Variants in ISOC2 observed in about 807,000 individuals in gnomAD.
The protein encoded by ISOC2 is isochorismatase domain containing 2, also known as isochorismatase domain-containing protein 2.
A neutral mutation model predicts 19.3 loss-of-function variants in ISOC2; 15 were observed. The ratio of observed to expected loss-of-function variants is 0.78; its 90% confidence interval spans 0.52 to 1.20. The LOEUF is 1.20. Ranked by LOEUF, ISOC2 falls within the 50% of genes most tolerant of loss-of-function variation. ISOC2 has a pLI of 0.00. For synonymous variants in ISOC2, 106 were observed against 115.8 expected (o/e 0.92, Z 0.54); for missense variants, 285 against 272.4 (o/e 1.05, Z -0.33).
chr19:55,455,148 G>T, intron 4 of ISOC2, 42 bp from the exon 5 acceptor site: 1 of 1,584,168 alleles, frequency 6.3e-7, no homozygotes, highest in Non-Finnish European at 8.6e-7. Flanking sequence ...TGTGGACGCC[G>T]CAGTCTGGAC....
rs202049923 is a variant in ISOC2 at position 55,456,509 on chromosome 19, C to A, written c.-3-20G>T. 6.2e-7 allele frequency: 1 copy of A among 1,612,632 alleles called. No homozygotes were observed. The highest frequency in any genetic ancestry group is 1.1e-5 in the South Asian group (1 of 90,996). On this transcript the variant is annotated intron_variant, in intron 1 of 5. Transcript: ENST00000425675. ...CATTTTCTGGGGGTGGGCAGAGGGA[C>A]GGTGGGTCAGGCCCGAGGGCTCCTC...
At chr19:55,455,451 G>T in intron 3 of ISOC2, 121 bp from the exon 4 acceptor site, 1 of 1,389,016 alleles carries the variant, frequency 7.2e-7, no homozygotes, top group Non-Finnish European at 1.0e-6. Flanking sequence ...TCGGATCAGA[G>T]GAAGGGGCCC....
intron 3 of ISOC2, 28 bp from the exon 4 acceptor site, chr19:55,455,358 C>A (rs780102367): frequency 2.5e-6 from 4 of 1,613,908 alleles, no homozygotes; most frequent in Non-Finnish European, 3.4e-6. Flanking sequence ...TCAGGGCCAA[C>A]CCCGGATAAG....
In ISOC2 at chr19:55,455,115, G is replaced by T; in HGVS notation, c.420-9C>A. ...CCAGCCGGTCCACCTGGCTGTGAGT[G>T]GGAGGGAGGGAGGGAAGGTTGGTGT... On this transcript the variant is annotated splice_polypyrimidine_tract_variant and intron_variant, in intron 4 of 5. Coordinates refer to ENST00000425675, the MANE Select transcript of ISOC2 (RefSeq NM_001136201.2). 5 of 1,544,622 alleles carry T rather than the reference G, an allele frequency of 3.2e-6. No homozygotes were observed. The highest frequency in any genetic ancestry group is 4.4e-6 in the Non-Finnish European group (5 of 1,127,750).
At chr19:55,454,895 C>G (rs966340582) in intron 5 of ISOC2, 94 bp downstream of exon 5, 3 of 927,358 alleles carry the variant, frequency 3.2e-6, no homozygotes, top group African/African-American at 1.6e-5. Flanking sequence ...CCCCTGGAGG[C>G]GGCAGCCTGC....
rs759384357 is a variant in ISOC2, at chr19:55,455,086, G to A, written c.440C>T (p.Ala147Val). The A allele has an allele frequency of 7.1e-7, 1 of 1,415,816 alleles. No individual in the cohort carries two copies. Among genetic ancestry groups the A allele is most frequent in the Non-Finnish European group, 9.6e-7 (1 of 1,040,672 alleles). 87.7% of individuals were successfully genotyped at this position (1,415,816 alleles called of 1,614,324 possible). A position where few individuals can be genotyped will look rare whatever the true frequency, so the allele number is the denominator to read the frequency against. The change falls in exon 5 of 6, where the codon GCT becomes GTT. Residue 147 changes from alanine (A) to valine (V), a missense_variant. By Grantham distance (64) the Ala-to-Val change is moderately conservative (BLOSUM62 0). Transcript: ENST00000425675. The part of the protein sequence containing the change: ...SSRSQVDRLV[A>V]LARMRQSGAF... Reference sequence around the variant, plus strand: ...ACCACTCTGTCTCATGCGGGCCAGAGCCACCAGCCGGTCCACCTGGCTGTG... The same window carrying A: ...ACCACTCTGTCTCATGCGGGCCAGAACCACCAGCCGGTCCACCTGGCTGTG...
intron 1 of ISOC2, among the ~76,000 whole-genome samples, chr19:55,460,641 T>C (rs1986204906): frequency 6.6e-6 from 1 of 152,216 alleles, no homozygotes; most frequent in Non-Finnish European, 1.5e-5. Context: ...ATGTGGCGCA[T>C]GTTTGACTTT....
chr19:55,455,320 A>G lies in ISOC2; in HGVS notation c.359T>C (p.Leu120Pro), dbSNP rs1483813337. ...EAQACILNTTLDLLDRGLQVH... is the reference protein window; with the variant it reads ...EAQACILNTTPDLLDRGLQVH... ...CTGCAGCCCCCGGTCTAGGAGGTCC[A>G]GGGTCGTGTTCTGTGGGTAGAGAGA... is the stretch of plus-strand genomic sequence containing the variant. Residue 120 changes from leucine to proline, a missense_variant, in exon 4 of 6, where the codon CTG becomes CCG. Coordinates refer to ENST00000425675, the MANE Select transcript of ISOC2 (RefSeq NM_001136201.2). 6.2e-7 allele frequency: 1 copy of G among 1,614,112 alleles called. No homozygotes were observed. Among genetic ancestry groups the G allele is most frequent in the South Asian group, 1.1e-5 (1 of 91,076 alleles).
Position 55,455,118 on chromosome 19 carries a change from A to G in ISOC2, c.420-12T>C. ...GCCGGTCCACCTGGCTGTGAGTGGG[A>G]GGGAGGGAGGGAAGGTTGGTGTGGA... is the stretch of plus-strand genomic sequence containing the variant. On this transcript the variant is annotated splice_polypyrimidine_tract_variant and intron_variant, in intron 4 of 5. Coordinates refer to ENST00000425675, the MANE Select transcript of ISOC2 (RefSeq NM_001136201.2). 1.8e-6 allele frequency: 1 copy of G among 565,300 alleles called. No homozygotes were observed. Among genetic ancestry groups the G allele is most frequent in the Non-Finnish European group, 3.4e-6 (1 of 293,638 alleles). The allele number at this position is 565,300 out of a possible 1,614,324, so 35.0% of individuals were successfully genotyped here.
At chr19:55,456,859 C>T (rs972347849) in intron 1 of ISOC2, among the ~76,000 whole-genome samples, 18 of 152,084 alleles carry the variant, frequency 1.2e-4, no homozygotes, top group Admixed American at 2.0e-4. Flanking sequence ...CTATCAGTCC[C>T]GGTTACCATC....
At chr19:55,455,931 GGCCT>G in intron 2 of ISOC2, 86 bp from the exon 3 acceptor site, 1 of 1,239,180 alleles carries the variant, frequency 8.1e-7, no homozygotes. Flanking sequence ...GGAGGGGCTG[GGCCT>G]GGACTCCTGG....
Position 55,455,323 on chromosome 19 carries a change from G to T in ISOC2, c.356C>A (p.Thr119Asn), listed in dbSNP as rs760808139. The T allele has an allele frequency of 6.2e-7, 1 of 1,614,104 alleles. No homozygotes were observed. ...CAGCCCCCGGTCTAGGAGGTCCAGG[G>T]TCGTGTTCTGTGGGTAGAGAGAGGT... is the stretch of plus-strand genomic sequence containing the variant. ...IEAQACILNT[T>N]LDLLDRGLQV... The change falls in exon 4 of 6, where the codon ACC becomes AAC. Residue 119 changes from threonine (T) to asparagine (N), a missense_variant. Coordinates refer to ENST00000425675, the MANE Select transcript of ISOC2 (RefSeq NM_001136201.2).
chr19:55,454,930 C>A, intron 5 of ISOC2, 59 bp downstream of exon 5: 1 of 1,295,746 alleles, frequency 7.7e-7, no homozygotes, highest in South Asian at 1.2e-5. Flanking sequence ...ATTCTCAGAG[C>A]CCAAAGACAA....
In ISOC2 at chr19:55,455,688, G is replaced by T; in HGVS notation, c.296C>A (p.Pro99His). The T allele has an allele frequency of 6.2e-7, 1 of 1,610,896 alleles. No homozygotes were observed. The highest frequency in any genetic ancestry group is 1.7e-5 in the Admixed American group (1 of 59,846). Residue 99 changes from proline (P) to histidine (H), a missense_variant, in exon 3 of 6, where the codon CCC (proline) becomes CAC (histidine). By Grantham distance (77) the Pro-to-His change is moderately conservative. Transcript: ENST00000425675. ...PALQQELDSR[P>H]QLRSVLLCGI... Reference sequence around the variant, plus strand: ...ACAGAGCAGCACAGAGCGCAGCTGGGGCCGACTGTCCAGCTCCTGCTGCAG... The same window carrying T: ...ACAGAGCAGCACAGAGCGCAGCTGGTGCCGACTGTCCAGCTCCTGCTGCAG...
intron 1 of ISOC2, among the ~76,000 whole-genome samples, chr19:55,459,282 A>G (rs1371914028): frequency 6.6e-6 from 1 of 152,178 alleles, no homozygotes; most frequent in African/African-American, 2.4e-5. Flanking sequence ...AATGTTTTCT[A>G]TGTGCACCAT....
intron 1 of ISOC2, 95 bp from the exon 2 acceptor site, chr19:55,456,584 GC>G: frequency 6.7e-7 from 1 of 1,496,124 alleles, no homozygotes; most frequent in Non-Finnish European, 9.0e-7. Flanking sequence ...GCCTGGCAGG[GC>G]CCGGGGCACC....
intron 1 of ISOC2, among the ~76,000 whole-genome samples, chr19:55,458,332 G>C (rs1391904875): frequency 6.6e-6 from 1 of 152,194 alleles, no homozygotes; most frequent in African/African-American, 2.4e-5. Flanking sequence ...CGAGTTTGCT[G>C]CACAAGTGAG....
chr19:55,461,088 A>C (rs950678190), intron 1 of ISOC2, among the ~76,000 whole-genome samples: 1 of 151,900 alleles, frequency 6.6e-6, no homozygotes, highest in African/African-American at 2.4e-5. Flanking sequence ...TGTCCTGCGG[A>C]ACGAGGAGAG....
At chr19:55,457,890 G>T (rs1986112991) in intron 1 of ISOC2, among the ~76,000 whole-genome samples, 1 of 151,896 alleles carries the variant, frequency 6.6e-6, no homozygotes, top group African/African-American at 2.4e-5. Flanking sequence ...CTGTGGCCGG[G>T]AGGAATTCAG....
Sources: allele counts gnomAD v4.1 joint callset (sites outside exome capture counted in the v4.1 genomes callset), GRCh38; gene constraint gnomAD v4.1.1; transcripts MANE v1.5; gene names NCBI Gene and HGNC (gene_info 2026-07-23, HGNC 2026-07-21).